ROCK2: variants seen among roughly 807,000 people sequenced by gnomAD.
ROCK2 encodes the protein Rho associated coiled-coil containing protein kinase 2.
Under a neutral mutation model 195.1 loss-of-function variants are expected in ROCK2, and 61 were observed. That is an observed-to-expected ratio of 0.31 (90% CI 0.25 to 0.39). ROCK2 has a LOEUF of 0.39. Among genes scored for constraint, ROCK2 ranks in the 10% least tolerant of loss-of-function variants. The pLI is 1.00. For missense variants in ROCK2, 1,109 were observed against 1,637.4 expected (o/e 0.68, Z 5.57); for synonymous variants, 504 against 545.5 (o/e 0.92, Z 1.06).
At chr2:11,257,326 T>G (rs1558333853) in intron 3 of ROCK2, among the ~76,000 whole-genome samples, 1 of 151,384 alleles carries the variant, frequency 6.6e-6, no homozygotes, top group African/African-American at 2.5e-5. Flanking sequence ...GAGGCGGTGC[T>G]GGCAGCTGCA....
At chr2:11,211,162 G>A (rs1016668498) in intron 18 of ROCK2, among the ~76,000 whole-genome samples, 4 of 152,030 alleles carry the variant, frequency 2.6e-5, no homozygotes, top group East Asian at 1.9e-4. Flanking sequence ...ATATGGCTTC[G>A]ACCAAATCTG....
chr2:11,244,487 G>A (rs917208748), intron 4 of ROCK2, among the ~76,000 whole-genome samples: 21 of 152,078 alleles, frequency 1.4e-4, no homozygotes, highest in Admixed American at 9.8e-4. Flanking sequence ...ATTAGGCTGG[G>A]TGCAGTGGCT....
intron 6 of ROCK2, among the ~76,000 whole-genome samples, chr2:11,226,005 A>G (rs1401127541): frequency 6.6e-6 from 1 of 152,240 alleles, no homozygotes; most frequent in Non-Finnish European, 1.5e-5. Context: ...CTGATTTTTT[A>G]GCAATAACCA....
intron 1 of ROCK2, among the ~76,000 whole-genome samples, chr2:11,336,875 A>G (rs559557863): frequency 2.6e-5 from 4 of 152,358 alleles, no homozygotes; most frequent in African/African-American, 9.6e-5. Flanking sequence ...GCAAAGGAGA[A>G]TATCTTCACG....
intron 3 of ROCK2, among the ~76,000 whole-genome samples, chr2:11,273,413 C>T (rs996216736): frequency 2.0e-5 from 3 of 151,236 alleles, no homozygotes; most frequent in Non-Finnish European, 4.4e-5. Flanking sequence ...CAAAAAAAAA[C>T]ATTATATCTT....
chr2:11,196,818 T>C (rs572871174), intron 27 of ROCK2, among the ~76,000 whole-genome samples: 8 of 152,230 alleles, frequency 5.3e-5, no homozygotes, highest in African/African-American at 1.9e-4. Flanking sequence ...GGAACGCTGG[T>C]AGGTGAATGA....
intron 3 of ROCK2, among the ~76,000 whole-genome samples, chr2:11,264,936 G>C (rs1339924972): frequency 6.6e-6 from 1 of 152,152 alleles, no homozygotes; most frequent in East Asian, 1.9e-4. Context: ...AGATGGTTAT[G>C]ACCATATGTC....
At chr2:11,188,427 A>G (rs1663285259) in intron 32 of ROCK2, among the ~76,000 whole-genome samples, 1 of 151,854 alleles carries the variant, frequency 6.6e-6, no homozygotes, top group Non-Finnish European at 1.5e-5. Flanking sequence ...GTATATTTTT[A>G]TCTTGCATTG....
At position 11,201,536 on chromosome 2, in the gene ROCK2, G is replaced by A. The variant is rs1344310962; in HGVS notation, c.2620-123C>T. The A allele has an allele frequency of 2.6e-5, 16 of 626,414 alleles. No homozygotes were observed. The highest frequency in any genetic ancestry group is 1.1e-4 in the Admixed American group (4 of 36,958). 38.8% of individuals were successfully genotyped at this position (626,414 alleles called of 1,614,324 possible). A position where few individuals can be genotyped will look rare whatever the true frequency, so the allele number is the denominator to read the frequency against. On this transcript the variant is annotated intron_variant, in intron 21 of 32. Coordinates refer to ENST00000315872, the MANE Select transcript of ROCK2 (RefSeq NM_004850.5). The surrounding 1 kb of genome is among the most constrained non-coding windows in gnomAD (Gnocchi z 4.6). ...AATATTTTCTTACTGCTAAGTCCCC[G>A]AGCAAATGAATAGTTTAATGAACTT... is the stretch of plus-strand genomic sequence containing the variant.
chr2:11,235,971 CA>C lies in ROCK2; in HGVS notation c.463-10del. On this transcript the variant is annotated splice_polypyrimidine_tract_variant and intron_variant, in intron 4 of 32. Coordinates refer to ENST00000315872, the MANE Select transcript of ROCK2 (RefSeq NM_004850.5). The surrounding 1 kb of genome is among the most constrained non-coding windows in gnomAD (Gnocchi z 4.2). Reference sequence around the variant, plus strand: ...TGAAAGGCATAAAAAAGCTGGAAAACAAAAGGAAAAGGAAAAATTTTTAAAA... The same window carrying C: ...TGAAAGGCATAAAAAAGCTGGAAAACAAAGGAAAAGGAAAAATTTTTAAAA... The C allele has an allele frequency of 7.1e-7, 1 of 1,405,144 alleles. No homozygotes were observed. The highest frequency in any genetic ancestry group is 9.3e-7 in the Non-Finnish European group (1 of 1,072,426). The allele number at this position is 1,405,144 out of a possible 1,614,324, so 87.0% of individuals were successfully genotyped here. A position where few individuals can be genotyped will look rare whatever the true frequency, so the allele number is the denominator to read the frequency against.
At chr2:11,214,708 T>C in intron 16 of ROCK2, 132 bp downstream of exon 16, 1 of 870,852 alleles carries the variant, frequency 1.1e-6, no homozygotes. Flanking sequence ...TGTATCAGTG[T>C]ATTTCTAATA....
rs1669225731 is a variant in ROCK2, at chr2:11,344,545, CCGCCGCCGGCCCGCTGCCATGGT to C, written c.-432_-410del. 21 of 962,572 alleles carry C rather than the reference CCGCCGCCGGCCCGCTGCCATGGT, an allele frequency of 2.2e-5. No homozygotes were observed. The highest frequency in any genetic ancestry group is 2.3e-5 in the Non-Finnish European group (19 of 810,188). 59.6% of individuals were successfully genotyped at this position (962,572 alleles called of 1,614,324 possible). ...GAAGCCCAGGCCTGGGCCACTACGG[CCGCCGCCGGCCCGCTGCCATGGT>C]CGCCGCCGGCCGCCTTGCAGTCCCT... On this transcript the variant is annotated 5_prime_UTR_variant, in exon 1 of 33. It removes an upstream start codon present in the reference 5' UTR. Transcript: ENST00000315872. This position sits in a 1 kb window ranked among gnomAD's most constrained non-coding sequence, Gnocchi z 5.4.
intron 3 of ROCK2, among the ~76,000 whole-genome samples, chr2:11,268,914 T>C (rs1227730423): frequency 3.9e-5 from 6 of 152,218 alleles, no homozygotes; most frequent in African/African-American, 1.4e-4. Context: ...TTTGAATGTG[T>C]CCTACTCATA....
intron 32 of ROCK2, among the ~76,000 whole-genome samples, chr2:11,186,546 T>C (rs186493773): frequency 6.6e-6 from 1 of 152,328 alleles, no homozygotes; most frequent in African/African-American, 2.4e-5. Flanking sequence ...TCGTTTTCAT[T>C]GTCAAGTACT....
chr2:11,309,478 C>G (rs1433094613), intron 1 of ROCK2, among the ~76,000 whole-genome samples: 1 of 152,170 alleles, frequency 6.6e-6, no homozygotes, highest in Non-Finnish European at 1.5e-5. Context: ...ATCTTACAAC[C>G]TAACTGGTTC....
chr2:11,305,841 T>G (rs1477586125), intron 1 of ROCK2, among the ~76,000 whole-genome samples: 4 of 152,186 alleles, frequency 2.6e-5, no homozygotes, highest in Admixed American at 1.3e-4. Flanking sequence ...GTACTATTTT[T>G]GCAAAGTTAC....
At chr2:11,332,540 T>C (rs1356411971) in intron 1 of ROCK2, among the ~76,000 whole-genome samples, 1 of 152,226 alleles carries the variant, frequency 6.6e-6, no homozygotes, top group African/African-American at 2.4e-5. Flanking sequence ...CCAACATCAT[T>C]TGTCATTGGT....
At chr2:11,188,625 TTTTTTA>T (rs200153459) in intron 32 of ROCK2, among the ~76,000 whole-genome samples, 6,386 of 151,786 alleles carry the variant, frequency 0.042, 274 homozygotes, top group Non-Finnish European at 0.06. Flanking sequence ...TTATTTTTAT[TTTTTTA>T]TTTTTATTTT....
rs554617534 is a variant in ROCK2 at position 11,216,042 on chromosome 2, T to A, written c.1461+116A>T. 2.4e-5 allele frequency: 19 copies of A among 794,800 alleles called. No homozygotes were observed. The South Asian group carries it at 2.8e-4, about 12-fold the overall frequency. 49.2% of individuals were successfully genotyped at this position (794,800 alleles called of 1,614,324 possible). ...ATAATTTAGTCCTATCCACCAATACTACAAGGTAGGTTTCAAGGCACGTAT... is the reference window on the plus strand; with the variant it reads ...ATAATTTAGTCCTATCCACCAATACAACAAGGTAGGTTTCAAGGCACGTAT... On this transcript the variant is annotated intron_variant, in intron 13 of 32. Transcript: ENST00000315872.
Sources: gnomAD v4.1 joint callset for allele counts (sites outside exome capture counted in the v4.1 genomes callset) on GRCh38, gnomAD v4.1.1 for gene constraint, Gnocchi (gnomAD v3.1) non-coding constraint, MANE v1.5 for transcripts, NCBI Gene and HGNC (gene_info 2026-07-23, HGNC 2026-07-21) for gene names.